COL28A1: variants seen among roughly 807,000 people sequenced by gnomAD.
The protein encoded by COL28A1 is collagen type XXVIII alpha 1 chain.
A neutral mutation model predicts 150.2 loss-of-function variants in COL28A1; 161 were observed. That is an observed-to-expected ratio of 1.07 (90% CI 0.94 to 1.22). The LOEUF is 1.22. Ranked by LOEUF, COL28A1 falls within the 50% of genes most tolerant of loss-of-function variation. COL28A1 has a pLI of 0.00. For synonymous variants in COL28A1, 552 were observed against 469.7 expected (o/e 1.18, Z -2.26); for missense variants, 1,617 against 1,388.3 (o/e 1.16, Z -2.62).
At chr7:7,532,699 A>C (rs1346927560) in intron 2 of COL28A1, 53 bp downstream of exon 2, 5 of 1,571,036 alleles carry the variant, frequency 3.2e-6, no homozygotes, top group Non-Finnish European at 4.3e-6. Context: ...AAAAATTCAC[A>C]TAAGTATTTT....
chr7:7,437,031 G>A (rs1279797493), intron 22 of COL28A1, among the ~76,000 whole-genome samples: 1 of 152,110 alleles, frequency 6.6e-6, no homozygotes, highest in Non-Finnish European at 1.5e-5. Context: ...GAGTGAGACT[G>A]TCTCAAAAAA....
intron 13 of COL28A1, among the ~76,000 whole-genome samples, chr7:7,480,208 T>C (rs1464023051): frequency 1.3e-5 from 2 of 152,232 alleles, no homozygotes; most frequent in African/African-American, 4.8e-5. Flanking sequence ...AAAAGATCTG[T>C]TTTTCAGTGT....
At chr7:7,477,908 C>T (rs11981695) in intron 13 of COL28A1, among the ~76,000 whole-genome samples, 2,456 of 152,202 alleles carry the variant, frequency 0.016, 61 homozygotes, top group African/African-American at 0.056. Context: ...CTGATTGGTC[C>T]GTTTTGACAG....
At chr7:7,396,138 TGATAGAAG>T (rs1412099397) in intron 27 of COL28A1, among the ~76,000 whole-genome samples, 1 of 152,162 alleles carries the variant, frequency 6.6e-6, no homozygotes, top group Non-Finnish European at 1.5e-5. Context: ...TTATACATAT[TGATAGAAG>T]GACCTTATCC....
Position 7,373,092 on chromosome 7 carries a change from AT to A in COL28A1, c.2813del (p.Asn938MetfsTer12). ...TGTGGAATATTTCAAAGTTGGGATC[AT>A]TTTTCTTCACCACCCCTATCACAAA... ...EIFVIGVVKK[N>X]DPNFEIFHKE... On this transcript the variant is annotated frameshift_variant, in exon 32 of 35. Coordinates refer to ENST00000399429, the MANE Select transcript of COL28A1 (RefSeq NM_001037763.3). LOFTEE classifies it high-confidence loss of function. The surrounding 1 kb of genome is among the most constrained non-coding windows in gnomAD (Gnocchi z 4.1). 1.2e-6 allele frequency: 2 copies of A among 1,614,080 alleles called. No individual in the cohort carries two copies. The highest frequency in any genetic ancestry group is 2.2e-5 in the South Asian group (2 of 91,072).
chr7:7,531,690 G>T lies in COL28A1; in HGVS notation c.339C>A (p.Asp113Glu), dbSNP rs963026639. 1 of 1,591,156 alleles carries T rather than the reference G, an allele frequency of 6.3e-7. No homozygotes were observed. The highest frequency in any genetic ancestry group is 8.6e-7 in the Non-Finnish European group (1 of 1,159,052). The change falls in exon 3 of 35, where the codon GAC becomes GAA. Residue 113 changes from aspartate (D) to glutamate (E), a missense_variant. Physicochemically the swap from Asp to Glu is conservative, Grantham distance 45 (BLOSUM62 2). Coordinates refer to ENST00000399429, the MANE Select transcript of COL28A1 (RefSeq NM_001037763.3). ...QIDPPFSSWK[D>E]LQTFKQKVKS... The stretch of plus-strand genomic sequence containing the variant: ...TGACCTTCTGCTTAAATGTCTGCAG[G>T]TCCTTCCAGGAAGAAAAAGGTGGAT...
intron 20 of COL28A1, among the ~76,000 whole-genome samples, chr7:7,443,216 T>A (rs1785949629): frequency 6.6e-6 from 1 of 152,180 alleles, no homozygotes; most frequent in African/African-American, 2.4e-5. Flanking sequence ...GAAATGGCCA[T>A]TCAATAAAGT....
intron 1 of COL28A1, among the ~76,000 whole-genome samples, chr7:7,534,013 G>C (rs948606443): frequency 1.3e-5 from 2 of 152,134 alleles, no homozygotes; most frequent in African/African-American, 4.8e-5. Flanking sequence ...ACTCTGAGTA[G>C]AGAGTGGAAA....
downstream of COL28A1, among the ~76,000 whole-genome samples, chr7:7,355,569 C>T (rs964077374): frequency 6.6e-6 from 1 of 151,990 alleles, no homozygotes; most frequent in Non-Finnish European, 1.5e-5. Flanking sequence ...GAGATTGTAC[C>T]ACTGCAACAC....
chr7:7,459,515 T>C (rs573342620), intron 15 of COL28A1, among the ~76,000 whole-genome samples: 1 of 152,362 alleles, frequency 6.6e-6, no homozygotes, highest in South Asian at 2.1e-4. Context: ...AATATAATTA[T>C]CTGCTTAAAG....
chr7:7,356,568 T>C (rs894716792), downstream of COL28A1: 2 of 152,112 alleles, frequency 1.3e-5, no homozygotes, highest in Admixed American at 6.5e-5. Context: ...CTGGAAACCA[T>C]CATTCTCAGC....
chr7:7,369,249 C>A (rs558089302), intron 33 of COL28A1, among the ~76,000 whole-genome samples: 1 of 152,226 alleles, frequency 6.6e-6, no homozygotes, highest in South Asian at 2.1e-4. Flanking sequence ...AGACTGTGTC[C>A]ATTATTGTCT....
At chr7:7,516,539 T>C (rs1343904558) in intron 7 of COL28A1, among the ~76,000 whole-genome samples, 1 of 152,220 alleles carries the variant, frequency 6.6e-6, no homozygotes, top group Non-Finnish European at 1.5e-5. Flanking sequence ...GAATATTACA[T>C]GGCCTGGGAA....
chr7:7,446,268 A>C (rs948110723), intron 18 of COL28A1, among the ~76,000 whole-genome samples: 58 of 152,322 alleles, frequency 3.8e-4, no homozygotes, highest in Middle Eastern at 3.4e-3. Context: ...AATATCAAAA[A>C]TGAAAGACAT....
chr7:7,539,652 T>C (rs1239288856), upstream of COL28A1, among the ~76,000 whole-genome samples: 1 of 152,140 alleles, frequency 6.6e-6, no homozygotes, highest in Non-Finnish European at 1.5e-5. Context: ...GGTAATAAAA[T>C]ACAGGATGTG....
intron 11 of COL28A1, among the ~76,000 whole-genome samples, chr7:7,498,899 TAC>T (rs573078898): frequency 6.6e-6 from 1 of 151,880 alleles, no homozygotes; most frequent in Non-Finnish European, 1.5e-5. Flanking sequence ...CCTGACAATC[TAC>T]ACACACACGC....
chr7:7,395,966 A>T (rs1782811918), intron 27 of COL28A1, among the ~76,000 whole-genome samples: 1 of 152,226 alleles, frequency 6.6e-6, no homozygotes, highest in Admixed American at 6.5e-5. Flanking sequence ...GGTTAATAAC[A>T]GTTAACAAGA....
At chr7:7,352,175 G>A (rs1176034590), downstream of COL28A1, among the ~76,000 whole-genome samples, 1 of 151,946 alleles carries the variant, frequency 6.6e-6, no homozygotes, top group African/African-American at 2.4e-5. Flanking sequence ...CTTGCAAGTA[G>A]CTCATTATTT....
At chr7:7,413,650 T>C (rs2191815) in intron 27 of COL28A1, among the ~76,000 whole-genome samples, 7 of 152,178 alleles carry the variant, frequency 4.6e-5, no homozygotes, top group African/African-American at 1.4e-4. Context: ...GAACCATAAA[T>C]GGAAGACAAG....
Sources: allele counts gnomAD v4.1 joint callset (sites outside exome capture counted in the v4.1 genomes callset), GRCh38; gene constraint gnomAD v4.1.1; non-coding constraint Gnocchi (gnomAD v3.1); transcripts MANE v1.5; gene names NCBI Gene and HGNC (gene_info 2026-07-23, HGNC 2026-07-21).